TMEM178B: variants seen among roughly 807,000 people sequenced by gnomAD.
TMEM178B encodes transmembrane protein 178B.
In TMEM178B, 5 loss-of-function variants were observed where a neutral mutation model predicts 31.0. That is an observed-to-expected ratio of 0.16 (90% CI 0.08 to 0.34). The LOEUF is 0.34. Among genes scored for constraint, TMEM178B ranks in the 10% least tolerant of loss-of-function variants. The pLI is 1.00. For synonymous variants in TMEM178B, 164 were observed against 164.0 expected (o/e 1.00, Z 0.00); for missense variants, 275 against 400.3 (o/e 0.69, Z 2.67).
chr7:141,410,379 C>T (rs900605296), intron 2 of TMEM178B, among the ~76,000 whole-genome samples: 2 of 152,130 alleles, frequency 1.3e-5, no homozygotes, highest in South Asian at 4.2e-4. Flanking sequence ...TTGGCTACTT[C>T]CCTTGAGACT....
chr7:141,319,740 G>T (rs2116471613), intron 2 of TMEM178B, among the ~76,000 whole-genome samples: 1 of 152,290 alleles, frequency 6.6e-6, no homozygotes, highest in East Asian at 1.9e-4. Flanking sequence ...GTTTCACCAT[G>T]TTGGCCAGGC....
At chr7:141,362,574 T>C (rs1181042551) in intron 2 of TMEM178B, among the ~76,000 whole-genome samples, 1 of 152,198 alleles carries the variant, frequency 6.6e-6, no homozygotes, top group Non-Finnish European at 1.5e-5. Flanking sequence ...AAAAGTGCTC[T>C]GTGGAACAAG....
chr7:141,407,221 G>A (rs553689273), intron 2 of TMEM178B, among the ~76,000 whole-genome samples: 1 of 152,302 alleles, frequency 6.6e-6, no homozygotes, highest in South Asian at 2.1e-4. Context: ...AGCTGTTGAC[G>A]CTCTGTGCTG....
In TMEM178B at chr7:141,470,866, A is replaced by C; in HGVS notation, c.*80A>C. ...ATATAAAACAAAACAAAACTAAATC[A>C]AGACGATGCCAGTGCCAAGGTAGAG... On this transcript the variant is annotated 3_prime_UTR_variant, in exon 4 of 4. Coordinates refer to ENST00000565468, the MANE Select transcript of TMEM178B (RefSeq NM_001195278.2). The C allele has an allele frequency of 2.4e-6, 2 of 836,298 alleles. No individual in the cohort carries two copies. Among genetic ancestry groups the C allele is most frequent in the Non-Finnish European group, 3.0e-6 (2 of 675,186 alleles). 51.8% of individuals were successfully genotyped at this position (836,298 alleles called of 1,614,324 possible). A position where few individuals can be genotyped will look rare whatever the true frequency, so the allele number is the denominator to read the frequency against.
intron 1 of TMEM178B, among the ~76,000 whole-genome samples, chr7:141,141,354 C>T (rs1214553313): frequency 6.6e-6 from 1 of 152,048 alleles, no homozygotes; most frequent in South Asian, 2.1e-4. Context: ...TTTTCCTGCC[C>T]CAGTCTTGGA....
chr7:141,255,719 C>G (rs761907972), intron 2 of TMEM178B, among the ~76,000 whole-genome samples: 1 of 151,878 alleles, frequency 6.6e-6, no homozygotes, highest in South Asian at 2.1e-4. Flanking sequence ...ATATTGTCCC[C>G]GACCCCTGCC....
Position 141,477,370 on chromosome 7 carries a change from A to T in TMEM178B, c.*6584A>T, listed in dbSNP as rs1802391731. On this transcript the variant is annotated 3_prime_UTR_variant, in exon 4 of 4. Transcript: ENST00000565468. ...CTGAGGACTTCTGTGGACGGCCCTA[A>T]AATCCTGAGTTAGGGTGGGATATGA... 1.3e-5 allele frequency: 2 copies of T among 153,668 alleles called. No homozygotes were observed. Among genetic ancestry groups the T allele is most frequent in the African/African-American group, 2.4e-5 (1 of 41,488 alleles). The allele number at this position is 153,668 out of a possible 1,614,324, so 9.5% of individuals were successfully genotyped here. A position where few individuals can be genotyped will look rare whatever the true frequency, so the allele number is the denominator to read the frequency against.
intron 2 of TMEM178B, among the ~76,000 whole-genome samples, chr7:141,216,423 CTGTGTGTGTGTG>C (rs575369422): frequency 1.1e-5 from 1 of 89,350 alleles, no homozygotes; most frequent in Admixed American, 1.2e-4. Context: ...AGGATGAAGC[CTGTGTGTGTGTG>C]TGTGTGTGTG....
chr7:141,310,951 T>C (rs1474852883), intron 2 of TMEM178B, among the ~76,000 whole-genome samples: 1 of 152,196 alleles, frequency 6.6e-6, no homozygotes, highest in Non-Finnish European at 1.5e-5. Context: ...CATATACACA[T>C]GGAATACTAT....
intron 2 of TMEM178B, among the ~76,000 whole-genome samples, chr7:141,421,813 T>G (rs1801215513): frequency 6.6e-6 from 1 of 152,120 alleles, no homozygotes; most frequent in African/African-American, 2.4e-5. Context: ...CTGTAAACAA[T>G]TTATTTAAAA....
chr7:141,295,976 A>C (rs969502420), intron 2 of TMEM178B, among the ~76,000 whole-genome samples: 3 of 152,188 alleles, frequency 2.0e-5, no homozygotes, highest in Non-Finnish European at 4.4e-5. Flanking sequence ...ACAGCAGCGC[A>C]CACATGTCTC....
chr7:141,391,294 T>C (rs1800534418), intron 2 of TMEM178B, among the ~76,000 whole-genome samples: 1 of 151,994 alleles, frequency 6.6e-6, no homozygotes, highest in Non-Finnish European at 1.5e-5. Flanking sequence ...GCCTCCCGAG[T>C]AGCTGGGATT....
intron 2 of TMEM178B, among the ~76,000 whole-genome samples, chr7:141,276,512 T>G (rs992702549): frequency 6.6e-6 from 1 of 152,014 alleles, no homozygotes; most frequent in Non-Finnish European, 1.5e-5. Flanking sequence ...GGAGAAGTAC[T>G]GAGCAAAAGG....
intron 1 of TMEM178B, among the ~76,000 whole-genome samples, chr7:141,195,861 G>A (rs1586820093): frequency 6.6e-6 from 1 of 152,284 alleles, no homozygotes; most frequent in East Asian, 1.9e-4. Flanking sequence ...AGCAGCAAGA[G>A]AAAATGAGGA....
chr7:141,374,518 G>A (rs1800176445), intron 2 of TMEM178B, among the ~76,000 whole-genome samples: 1 of 152,158 alleles, frequency 6.6e-6, no homozygotes, highest in South Asian at 2.1e-4. Flanking sequence ...ATTGTTCAGG[G>A]GAGAGAGCTG....
intron 2 of TMEM178B, among the ~76,000 whole-genome samples, chr7:141,315,216 C>T (rs1798979799): frequency 6.6e-6 from 1 of 152,238 alleles, no homozygotes; most frequent in African/African-American, 2.4e-5. Flanking sequence ...CTCTGACCAA[C>T]TTCTGTTGCA....
At chr7:141,399,006 G>A (rs1317836116) in intron 2 of TMEM178B, among the ~76,000 whole-genome samples, 1 of 152,254 alleles carries the variant, frequency 6.6e-6, no homozygotes, top group Admixed American at 6.5e-5. Flanking sequence ...AAAGTATCAA[G>A]CGGTAATCAG....
At chr7:141,174,788 T>G (rs1039630357) in intron 1 of TMEM178B, among the ~76,000 whole-genome samples, 3 of 152,216 alleles carry the variant, frequency 2.0e-5, no homozygotes, top group Non-Finnish European at 1.5e-5. Context: ...TCATATCCTT[T>G]GCCCACTTTT....
chr7:141,357,622 T>C (rs1178475722), intron 2 of TMEM178B, among the ~76,000 whole-genome samples: 1 of 152,216 alleles, frequency 6.6e-6, no homozygotes, highest in Non-Finnish European at 1.5e-5. Context: ...ATCACAGATA[T>C]TTTCATATCA....
Sources: gnomAD v4.1 joint callset for allele counts (sites outside exome capture counted in the v4.1 genomes callset) on GRCh38, gnomAD v4.1.1 for gene constraint, MANE v1.5 for transcripts, NCBI Gene and HGNC (gene_info 2026-07-23, HGNC 2026-07-21) for gene names.